The following MAMLD1 variants were observed in gnomAD, a reference collection of about 807,000 sequenced individuals.
The protein encoded by MAMLD1 is mastermind-like domain-containing protein 1.
Under a neutral mutation model 45.0 loss-of-function variants are expected in MAMLD1, and 14 were observed. That is an observed-to-expected ratio of 0.31 (90% CI 0.21 to 0.49). MAMLD1 has a LOEUF of 0.49. Among genes scored for constraint, MAMLD1 ranks in the 20% least tolerant of loss-of-function variants. The probability of loss-of-function intolerance (pLI) is 0.99; values close to 1 mark genes in which losing one functional copy is unlikely to be tolerated. For synonymous variants in MAMLD1, 254 were observed against 247.8 expected (o/e 1.02, Z -0.24); for missense variants, 543 against 603.6 (o/e 0.90, Z 1.05).
rs144862058 is a variant in MAMLD1, at chrX:150,470,864, C to T, written c.1291C>T (p.Leu431Phe). Residue 431 changes from leucine to phenylalanine, a missense_variant, in exon 4 of 8, where the codon CTC becomes TTC. Coordinates refer to ENST00000370401, the MANE Select transcript of MAMLD1 (RefSeq NM_005491.5). ...CCCTCAGAGCTCCATTCTTGCCAAC[C>T]TCATGTCCTCTACCATCAAAACCCC... Reference protein sequence around the residue: ...FGPQSSILANLMSSTIKTPQG... With the variant: ...FGPQSSILANFMSSTIKTPQG... 312 of 1,210,075 alleles carry T rather than the reference C, an allele frequency of 2.6e-4. 1 individual carries two copies. In the African/African-American group the frequency reaches 3.7e-3, roughly 14 times the overall value.
intron 5 of MAMLD1, among the ~76,000 whole-genome samples, chrX:150,500,966 T>C (rs2037534310): frequency 8.9e-6 from 1 of 111,995 alleles, no homozygotes; most frequent in South Asian, 3.8e-4. Flanking sequence ...CTGCTCCACT[T>C]GATTGAGTGG....
chrX:150,455,024 G>T (rs1189460934), intron 2 of MAMLD1, among the ~76,000 whole-genome samples: 2 of 108,072 alleles, frequency 1.9e-5, no homozygotes, highest in Non-Finnish European at 3.8e-5. Context: ...ACACGTACAT[G>T]GTTATATGAC....
intron 5 of MAMLD1, among the ~76,000 whole-genome samples, chrX:150,501,354 G>T (rs936742940): frequency 3.2e-4 from 36 of 112,179 alleles, no homozygotes; most frequent in African/African-American, 1.2e-3. Flanking sequence ...CAAGGAGCTA[G>T]GTATGCAGGC....
intron 1 of MAMLD1, among the ~76,000 whole-genome samples, chrX:150,377,246 C>T (rs924693373): frequency 8.8e-6 from 1 of 113,422 alleles, no homozygotes; most frequent in Non-Finnish European, 1.9e-5. Flanking sequence ...GCTCTACTGC[C>T]TTGCTGTGTG....
chrX:150,484,223 T>G (rs1160613335), intron 5 of MAMLD1, among the ~76,000 whole-genome samples: 2 of 112,994 alleles, frequency 1.8e-5, no homozygotes, highest in Non-Finnish European at 3.7e-5. Flanking sequence ...TAAGCACAGA[T>G]TCTACATTCT....
At chrX:150,394,289 T>G in intron 1 of MAMLD1, among the ~76,000 whole-genome samples, 1 of 109,541 alleles carries the variant, frequency 9.1e-6, no homozygotes, top group Non-Finnish European at 1.9e-5. Flanking sequence ...TCCATTCTGC[T>G]GCATTGATCT....
At chrX:150,508,217 G>A (rs1015496159) in intron 6 of MAMLD1, among the ~76,000 whole-genome samples, 2 of 112,643 alleles carry the variant, frequency 1.8e-5, no homozygotes, top group African/African-American at 3.2e-5. Context: ...AGGCAGATCC[G>A]GATGGTGTGG....
intron 1 of MAMLD1, among the ~76,000 whole-genome samples, chrX:150,429,059 C>G: frequency 9.0e-6 from 1 of 111,591 alleles, no homozygotes; most frequent in Non-Finnish European, 1.9e-5. Flanking sequence ...ATAATGAGAT[C>G]TGAGCTTCCA....
chrX:150,384,956 C>G (rs1445601801), intron 1 of MAMLD1, among the ~76,000 whole-genome samples: 2 of 110,140 alleles, frequency 1.8e-5, no homozygotes, highest in Admixed American at 9.7e-5. Context: ...TAAAATCTGC[C>G]CTCTTAGCAA....
intron 1 of MAMLD1, among the ~76,000 whole-genome samples, chrX:150,410,910 G>C (rs1298193475): frequency 3.6e-5 from 4 of 112,193 alleles, no homozygotes; most frequent in African/African-American, 9.7e-5. Flanking sequence ...GGTGGGCTGT[G>C]TGGAGCCCAG....
At chrX:150,469,187 A>G (rs2036323080) in intron 3 of MAMLD1, among the ~76,000 whole-genome samples, 1 of 112,416 alleles carries the variant, frequency 8.9e-6, no homozygotes, top group African/African-American at 3.2e-5. Flanking sequence ...CAAGACTAGA[A>G]GGCAGCCTAA....
intron 1 of MAMLD1, among the ~76,000 whole-genome samples, chrX:150,411,223 T>C (rs1261596417): frequency 1.8e-5 from 2 of 112,101 alleles, no homozygotes; most frequent in Non-Finnish European, 3.8e-5. Flanking sequence ...GGCAGCCATG[T>C]ACTGGCTAGG....
chrX:150,509,305 C>G (rs1035048133), intron 6 of MAMLD1: 1 of 113,198 alleles, frequency 8.8e-6, no homozygotes, highest in Non-Finnish European at 1.9e-5. Flanking sequence ...AGCCTCAGTC[C>G]TCTTCTCAAT....
intron 1 of MAMLD1, among the ~76,000 whole-genome samples, chrX:150,390,864 A>T (rs190254595): frequency 7.4e-4 from 83 of 112,246 alleles, no homozygotes; most frequent in African/African-American, 2.5e-3. Flanking sequence ...TAGCAACAAC[A>T]TCTTTTAGTT....
chrX:150,479,591 C>CTACT (rs1283190393), intron 5 of MAMLD1, among the ~76,000 whole-genome samples: 2 of 112,043 alleles, frequency 1.8e-5, no homozygotes, highest in African/African-American at 6.5e-5. Flanking sequence ...TTAAGACAAC[C>CTACT]TACTTATTTG....
At chrX:150,498,530 G>C (rs1557408399) in intron 5 of MAMLD1, among the ~76,000 whole-genome samples, 1 of 112,140 alleles carries the variant, frequency 8.9e-6, no homozygotes, top group Admixed American at 9.4e-5. Flanking sequence ...GCTGTCCACT[G>C]CTGTAGCCAG....
chrX:150,419,194 T>A (rs180747289), intron 1 of MAMLD1, among the ~76,000 whole-genome samples: 1 of 101,796 alleles, frequency 9.8e-6, no homozygotes, highest in Non-Finnish European at 2.0e-5. Context: ...ATTATGTAAC[T>A]GCCTTCTTTG....
chrX:150,471,175 G>A lies in MAMLD1; in HGVS notation c.1602G>A (p.Thr534=), dbSNP rs782160809. 6.6e-6 allele frequency: 8 copies of A among 1,211,779 alleles called. No homozygotes were observed. Among genetic ancestry groups the A allele is most frequent in the Middle Eastern group, 2.3e-4 (1 of 4,355 alleles). Residue 534 remains threonine (T), a synonymous_variant, in exon 4 of 8, where the codon ACG becomes ACA. Transcript: ENST00000370401. ...TGGCAAGCTCCAGCCCAGGAGCCAC[G>A]GAGCCATTTACTTTTGGCAACACCA... ...QGMASSSPGA[T]EPFTFGNTKP... is the part of the protein sequence containing the mutation.
chrX:150,388,787 T>A (rs1277023713), intron 1 of MAMLD1, among the ~76,000 whole-genome samples: 1 of 112,143 alleles, frequency 8.9e-6, no homozygotes, highest in African/African-American at 3.2e-5. Flanking sequence ...TCATTGATTT[T>A]CTCTTGCTTT....
Sources: gnomAD v4.1 joint callset for allele counts (sites outside exome capture counted in the v4.1 genomes callset) on GRCh38, gnomAD v4.1.1 for gene constraint, MANE v1.5 for transcripts, NCBI Gene and HGNC (gene_info 2026-07-23, HGNC 2026-07-21) for gene names.